FER: variants seen among roughly 807,000 people sequenced by gnomAD.
FER encodes FER tyrosine kinase.
Under a neutral mutation model 111.0 loss-of-function variants are expected in FER, and 63 were observed. The ratio of observed to expected loss-of-function variants is 0.57; its 90% confidence interval spans 0.46 to 0.70. The LOEUF (loss-of-function observed/expected upper bound fraction) is 0.70. FER is among the 30% of genes least tolerant of loss of function. The probability of loss-of-function intolerance (pLI) is 0.00; values close to 1 mark genes in which losing one functional copy is unlikely to be tolerated. For synonymous variants in FER, 327 were observed against 313.9 expected (o/e 1.04, Z -0.44); for missense variants, 914 against 954.0 (o/e 0.96, Z 0.55).
chr5:109,001,356 C>T lies in FER; in HGVS notation c.1657-36066C>T, dbSNP rs571981863. Among the ~76,000 whole-genome samples the T allele has an allele frequency of 3.2e-3, 488 of 152,240 alleles. 6 individuals carry two copies. Among genetic ancestry groups the T allele is most frequent in the Non-Finnish European group, 7.4e-4 (50 of 68,018 alleles). ...ACGAAAATCAATAAACGTAATCCAG[C>T]GTATAAACAGAACCAAAGACAAAAA... is the stretch of plus-strand genomic sequence containing the variant. On this transcript the variant is annotated intron_variant, in intron 13 of 19. Coordinates refer to ENST00000281092, the MANE Select transcript of FER (RefSeq NM_005246.4).
chr5:108,814,964 T>A (rs1758134173), intron 3 of FER, among the ~76,000 whole-genome samples: 1 of 152,160 alleles, frequency 6.6e-6, no homozygotes, highest in Non-Finnish European at 1.5e-5. Flanking sequence ...GGTTTCTATT[T>A]TTTCTTCATT....
rs139442963 is a variant in FER at position 108,795,869 on chromosome 5, G to T, written c.-59-2255G>T. 4.5e-3 allele frequency among the ~76,000 whole-genome samples: 688 copies of T among 152,306 alleles called. 4 individuals are homozygous for T. The highest frequency in any genetic ancestry group is 0.016 in the African/African-American group (648 of 41,566). On this transcript the variant is annotated intron_variant, in intron 2 of 19. Transcript: ENST00000281092. ...TTTCAGGCCAGGATTGGTTCCTGGT[G>T]CCTTAATTTAGTTTGTGTATGGAGA... is the stretch of plus-strand genomic sequence containing the variant.
intron 16 of FER, among the ~76,000 whole-genome samples, chr5:109,064,244 C>T (rs577821062): frequency 6.6e-6 from 1 of 152,156 alleles, no homozygotes; most frequent in African/African-American, 2.4e-5. Flanking sequence ...AAGTTGGTAA[C>T]CTATTGGCAT....
At chr5:108,915,197 G>T (rs1752101939) in intron 10 of FER, among the ~76,000 whole-genome samples, 1 of 152,168 alleles carries the variant, frequency 6.6e-6, no homozygotes, top group Non-Finnish European at 1.5e-5. Flanking sequence ...TTTTGGCCCG[G>T]CCCAGTGGCT....
At chr5:108,776,573 G>A (rs1247611143) in intron 2 of FER, among the ~76,000 whole-genome samples, 2 of 152,076 alleles carry the variant, frequency 1.3e-5, no homozygotes, top group Admixed American at 6.5e-5. Context: ...AAGAAATACT[G>A]TGGGAATCCG....
intron 5 of FER, among the ~76,000 whole-genome samples, chr5:108,864,551 G>A (rs1430921486): frequency 1.3e-5 from 2 of 152,124 alleles, no homozygotes; most frequent in African/African-American, 2.4e-5. Flanking sequence ...CTTAAGATCT[G>A]TTTCTGTTTC....
chr5:108,970,906 T>A (rs550216485), intron 13 of FER, among the ~76,000 whole-genome samples: 2 of 152,124 alleles, frequency 1.3e-5, no homozygotes, highest in Non-Finnish European at 2.9e-5. Context: ...AGAATTGTGA[T>A]GGAAAATGCC....
intron 10 of FER, among the ~76,000 whole-genome samples, chr5:108,944,403 A>G (rs1347240491): frequency 6.6e-6 from 1 of 151,714 alleles, no homozygotes. Flanking sequence ...TAATTCCTAC[A>G]CCTCCTTTAT....
chr5:108,882,637 A>T (rs1406673626), intron 8 of FER, among the ~76,000 whole-genome samples: 1 of 151,840 alleles, frequency 6.6e-6, no homozygotes, highest in Non-Finnish European at 1.5e-5. Context: ...GATCTCTTTA[A>T]GTTCAAATAA....
intron 2 of FER, among the ~76,000 whole-genome samples, chr5:108,775,075 G>T (rs1365991265): frequency 1.3e-5 from 2 of 152,128 alleles, no homozygotes; most frequent in Non-Finnish European, 2.9e-5. Flanking sequence ...TTTGTAGGGT[G>T]TAAGGAAGTG....
At chr5:108,932,578 A>G (rs1350992716) in intron 10 of FER, among the ~76,000 whole-genome samples, 1 of 152,158 alleles carries the variant, frequency 6.6e-6, no homozygotes, top group African/African-American at 2.4e-5. Flanking sequence ...CTAGTTCTAG[A>G]TCCTTGAGGA....
chr5:108,865,472 A>C (rs758756516), intron 5 of FER, among the ~76,000 whole-genome samples: 13 of 152,344 alleles, frequency 8.5e-5, no homozygotes, highest in Middle Eastern at 3.4e-3. Flanking sequence ...ACCTAAAACC[A>C]TAAAAACCCC....
intron 17 of FER, among the ~76,000 whole-genome samples, chr5:109,122,586 A>G (rs6888080): frequency 0.018 from 2,786 of 151,368 alleles, 76 homozygotes; most frequent in African/African-American, 0.064. Context: ...ATTAGGTCCA[A>G]TTGGTATATA....
At chr5:108,896,782 A>G (rs756318681) in intron 9 of FER, among the ~76,000 whole-genome samples, 2 of 152,228 alleles carry the variant, frequency 1.3e-5, no homozygotes, top group African/African-American at 2.4e-5. Context: ...ATTTAAGAAG[A>G]TAGTATTTTC....
chr5:108,997,222 G>A (rs539293338), intron 13 of FER, among the ~76,000 whole-genome samples: 45 of 148,474 alleles, frequency 3.0e-4, no homozygotes, highest in Middle Eastern at 6.9e-3. Flanking sequence ...TGGCTAACAC[G>A]GTGAAACCCC....
At chr5:108,835,169 T>G (rs930746618) in intron 4 of FER, among the ~76,000 whole-genome samples, 7 of 149,738 alleles carry the variant, frequency 4.7e-5, no homozygotes, top group African/African-American at 1.7e-4. Flanking sequence ...GCAGTGTTAT[T>G]TCTTCGTTTG....
chr5:108,813,543 C>G (rs1757976545), intron 3 of FER, among the ~76,000 whole-genome samples: 1 of 152,058 alleles, frequency 6.6e-6, no homozygotes, highest in Non-Finnish European at 1.5e-5. Context: ...TTAAAGTTGT[C>G]TTACAGTTTA....
intron 16 of FER, among the ~76,000 whole-genome samples, chr5:109,098,896 G>C (rs536948382): frequency 6.6e-6 from 1 of 151,498 alleles, no homozygotes; most frequent in African/African-American, 2.4e-5. Flanking sequence ...TAAGAGAAAA[G>C]GTTAGAAAAG....
intron 17 of FER, among the ~76,000 whole-genome samples, chr5:109,110,329 G>A (rs76713162): frequency 0.018 from 2,701 of 152,216 alleles, 74 homozygotes; most frequent in African/African-American, 0.061. Flanking sequence ...GTGGAGATGG[G>A]CACCATTTTA....
Sources: allele counts gnomAD v4.1 joint callset (sites outside exome capture counted in the v4.1 genomes callset), GRCh38; gene constraint gnomAD v4.1.1; transcripts MANE v1.5; gene names NCBI Gene and HGNC (gene_info 2026-07-23, HGNC 2026-07-21).